The following RAC2 variants were observed in gnomAD, a reference collection of about 807,000 sequenced individuals.
The protein encoded by RAC2 is ras-related C3 botulinum toxin substrate 2.
A neutral mutation model predicts 24.0 loss-of-function variants in RAC2; 1 was observed. That is an observed-to-expected ratio of 0.04 (90% confidence interval 0.01 to 0.20). RAC2 has a LOEUF of 0.20. RAC2 is among the 10% of genes least tolerant of loss of function. The probability of loss-of-function intolerance (pLI) is 1.00; values close to 1 mark genes in which losing one functional copy is unlikely to be tolerated. For missense variants in RAC2, 130 were observed against 259.1 expected, an observed-to-expected ratio of 0.50 and a Z score of 3.42; for synonymous variants, 114 against 106.8, an observed-to-expected ratio of 1.07 and a Z score of -0.41.
At chr22:37,227,482 C>T (rs371011742) in intron 5 of RAC2, among the ~76,000 whole-genome samples, 311 of 2,186 alleles carry the variant, frequency 0.14, no homozygotes, top group Middle Eastern at 0.25. Flanking sequence ...CCCCCTCCCA[C>T]GCCATACATC....
intron 2 of RAC2, among the ~76,000 whole-genome samples, chr22:37,235,780 G>A (rs147850388): frequency 8.5e-4 from 130 of 152,350 alleles, no homozygotes; most frequent in Middle Eastern, 3.4e-3. Flanking sequence ...TCCAGCCACA[G>A]TGCTAGTGCC....
Position 37,243,839 on chromosome 22 carries a change from G to A in RAC2, c.35+275C>T, listed in dbSNP as rs148934477. ...TGGGAGACCTGCCCCCAGCTTTTGG[G>A]GTGCAGGTGAGGAGCCCTGGGCACT... On this transcript the variant is annotated intron_variant, in intron 1 of 6. Transcript: ENST00000249071. Among the ~76,000 whole-genome samples, 9 of 152,246 alleles carry A rather than the reference G, an allele frequency of 5.9e-5. No homozygotes were observed. In the East Asian group the frequency reaches 1.7e-3, roughly 29 times the overall value.
chr22:37,241,188 C>T (rs764752738), intron 2 of RAC2: 3 of 777,370 alleles, frequency 3.9e-6, no homozygotes, highest in Non-Finnish European at 4.8e-6. Flanking sequence ...TCTGTTCCAC[C>T]CCTCAGCATG....
chr22:37,227,898 CAT>C (rs1460554172), intron 5 of RAC2, among the ~76,000 whole-genome samples: 1 of 152,156 alleles, frequency 6.6e-6, no homozygotes, highest in Non-Finnish European at 1.5e-5. Flanking sequence ...TTCTTGGACA[CAT>C]AGCCCTTAGT....
chr22:37,226,959 C>T (rs62235085), intron 5 of RAC2, among the ~76,000 whole-genome samples, 156 bp from the exon 6 acceptor site: 29,077 of 102,454 alleles, frequency 0.28, 5,730 homozygotes, highest in Non-Finnish European at 0.39. Flanking sequence ...CCATACACCC[C>T]TCCCACGCCA....
intron 3 of RAC2, 69 bp from the exon 4 acceptor site, chr22:37,232,063 G>T: frequency 6.7e-7 from 1 of 1,493,822 alleles, no homozygotes; most frequent in Non-Finnish European, 9.1e-7. Context: ...CAGCCACCGA[G>T]AGGTGGAGCT....
chr22:37,240,221 T>C (rs1927346491), intron 2 of RAC2, among the ~76,000 whole-genome samples: 1 of 152,208 alleles, frequency 6.6e-6, no homozygotes, highest in Non-Finnish European at 1.5e-5. Context: ...CCAGGCTCTC[T>C]TCTCCCTTCT....
At chr22:37,229,822 G>C (rs1338354395) in intron 5 of RAC2, among the ~76,000 whole-genome samples, 5 of 152,200 alleles carry the variant, frequency 3.3e-5, no homozygotes, top group Admixed American at 3.3e-4. Context: ...GGGAGACTGA[G>C]GCCCAGAGAG....
At chr22:37,241,821 G>A (rs764851221) in intron 1 of RAC2, among the ~76,000 whole-genome samples, 163 bp from the exon 2 acceptor site, 8 of 152,208 alleles carry the variant, frequency 5.3e-5, no homozygotes, top group African/African-American at 1.7e-4. Flanking sequence ...TCTCACACCC[G>A]AGAGCCTGCA....
intron 5 of RAC2, 79 bp from the exon 6 acceptor site, chr22:37,226,882 C>G: frequency 1.3e-6 from 2 of 1,556,252 alleles, no homozygotes; most frequent in Non-Finnish European, 1.8e-6. Flanking sequence ...CTATGCCATA[C>G]AACCCCTTCC....
At chr22:37,244,059 A>C in intron 1 of RAC2, 55 bp downstream of exon 1, 1 of 1,610,328 alleles carries the variant, frequency 6.2e-7, no homozygotes, top group African/African-American at 1.3e-5. Flanking sequence ...CCAGGGCGGA[A>C]GGATCTCAGG....
chr22:37,232,140 T>C lies in RAC2; in HGVS notation c.226-146A>G. ...ACTTAGGATCTGGGCAGAGCAGAGA[T>C]ACCCTTCTCGCCTCTACCACGAGGC... On this transcript the variant is annotated intron_variant, in intron 3 of 6. Transcript: ENST00000249071. 3.7e-6 allele frequency: 3 copies of C among 820,584 alleles called. 1 individual carries two copies. The highest frequency in any genetic ancestry group is 2.9e-5 in the South Asian group (2 of 68,130). The allele number at this position is 820,584 out of a possible 1,614,324, so 50.8% of individuals were successfully genotyped here.
In RAC2 at chr22:37,231,638, TAAG is replaced by T. The variant is rs1927065862; in HGVS notation, c.289-251_289-249del. The T allele has an allele frequency of 1.7e-6, 1 of 604,414 alleles. No homozygotes were observed. 37.4% of individuals were successfully genotyped at this position (604,414 alleles called of 1,614,324 possible). ...GAGGAGGCGAGGTTTTGTGCAGACATAAGAAGCAAACATGAGGTTATGTGACAA... is the reference window on the plus strand; with the variant it reads ...GAGGAGGCGAGGTTTTGTGCAGACATAAGCAAACATGAGGTTATGTGACAA... On this transcript the variant is annotated intron_variant, in intron 4 of 6. Transcript: ENST00000249071. The surrounding 1 kb of genome is among the most constrained non-coding windows in gnomAD (Gnocchi z 5.5).
intron 2 of RAC2, among the ~76,000 whole-genome samples, chr22:37,237,173 G>GCGAGACTC (rs1422293901): frequency 1.3e-5 from 2 of 149,936 alleles, no homozygotes; most frequent in Non-Finnish European, 3.0e-5. Flanking sequence ...TGGTGACACA[G>GCGAGACTC]CGAGACTCCG....
intron 2 of RAC2, chr22:37,240,846 C>A: frequency 1.7e-6 from 1 of 600,216 alleles, no homozygotes; most frequent in Admixed American, 2.9e-5. Flanking sequence ...GAGAGAACAG[C>A]TTGAGCAAAG....
intron 2 of RAC2, among the ~76,000 whole-genome samples, chr22:37,233,274 T>TG (rs202025460): frequency 0.014 from 1,899 of 139,708 alleles, 26 homozygotes; most frequent in African/African-American, 0.051. Flanking sequence ...TGCTTTTTGT[T>TG]GTTTTTTGTT....
chr22:37,241,607 G>C lies in RAC2; in HGVS notation c.87C>G (p.Pro29=). Residue 29 remains proline, a synonymous_variant, in exon 2 of 7, where the codon CCC becomes CCG. Coordinates refer to ENST00000249071, the MANE Select transcript of RAC2 (RefSeq NM_002872.5). ...CTCACACGGTGGGGATGTACTCTCC[G>C]GGAAAGGCGTTGGTGGTGTAGCTGA... ...LLISYTTNAF[P]GEYIPTVFDN... 6.2e-7 allele frequency: 1 copy of C among 1,613,928 alleles called. No homozygotes were observed. The highest frequency in any genetic ancestry group is 8.5e-7 in the Non-Finnish European group (1 of 1,179,798).
At chr22:37,227,980 C>A (rs1487736975) in intron 5 of RAC2, among the ~76,000 whole-genome samples, 1 of 152,166 alleles carries the variant, frequency 6.6e-6, no homozygotes, top group African/African-American at 2.4e-5. Context: ...GTGACCAAAT[C>A]TCTGGGAGCC....
At position 37,231,071 on chromosome 22, in the gene RAC2, G is replaced by C. The variant is rs1927044368; in HGVS notation, c.448+160C>G. Among the ~76,000 whole-genome samples, 3 of 152,178 alleles carry C rather than the reference G, an allele frequency of 2.0e-5. No homozygotes were observed. Among genetic ancestry groups the C allele is most frequent in the Admixed American group, 2.0e-4 (3 of 15,276 alleles). On this transcript the variant is annotated intron_variant, in intron 5 of 6. Transcript: ENST00000249071. This position sits in a 1 kb window ranked among gnomAD's most constrained non-coding sequence, Gnocchi z 5.5. ...TCTGATAAGGAAACACAGGCAGAGA[G>C]AGGCTACGTGACTCGCCCAAGGTCA...
Sources: allele counts gnomAD v4.1 joint callset (sites outside exome capture counted in the v4.1 genomes callset), GRCh38; gene constraint gnomAD v4.1.1; non-coding constraint Gnocchi (gnomAD v3.1); transcripts MANE v1.5; gene names NCBI Gene and HGNC (gene_info 2026-07-23, HGNC 2026-07-21).